Variants in NALF1 observed in about 807,000 individuals in gnomAD.
NALF1 encodes family with sequence similarity 155 member A.
Under a neutral mutation model 48.4 loss-of-function variants are expected in NALF1, and 3 were observed. The observed-to-expected ratio is 0.06, with a 90% confidence interval of 0.03 to 0.16. NALF1 has a LOEUF of 0.16. Among genes scored for constraint, NALF1 ranks in the 10% least tolerant of loss-of-function variants. NALF1 has a pLI of 1.00. For missense variants in NALF1, 526 were observed against 571.5 expected (o/e 0.92, Z 0.81); for synonymous variants, 262 against 245.7 (o/e 1.07, Z -0.62).
At chr13:107,447,048 G>A (rs930850418) in intron 1 of NALF1, among the ~76,000 whole-genome samples, 3 of 152,116 alleles carry the variant, frequency 2.0e-5, no homozygotes, top group African/African-American at 7.2e-5. Context: ...GTACCGTATT[G>A]GGATTTGCAT....
intron 1 of NALF1, among the ~76,000 whole-genome samples, chr13:107,854,832 C>T (rs1269685136): frequency 1.3e-5 from 2 of 150,686 alleles, no homozygotes; most frequent in Admixed American, 6.6e-5. Context: ...CAAGATGGCG[C>T]CACTGCACTT....
chr13:107,619,863 C>T (rs759052948), intron 1 of NALF1, among the ~76,000 whole-genome samples: 1 of 152,138 alleles, frequency 6.6e-6, no homozygotes, highest in Non-Finnish European at 1.5e-5. Context: ...ACAACACAAA[C>T]TGAATCTTTT....
chr13:107,177,220 C>CA (rs56831451), intron 2 of NALF1, among the ~76,000 whole-genome samples: 5,569 of 151,952 alleles, frequency 0.037, 361 homozygotes, highest in African/African-American at 0.13. Context: ...AAAGAGGACA[C>CA]AAAAAAATGG....
chr13:107,243,278 C>A lies in NALF1; in HGVS notation c.916-32523G>T, dbSNP rs182625047. 6.6e-5 allele frequency among the ~76,000 whole-genome samples: 10 copies of A among 152,268 alleles called. No homozygotes were observed. The East Asian group carries it at 1.9e-3, about 29-fold the overall frequency. On this transcript the variant is annotated intron_variant, in intron 1 of 2. Transcript: ENST00000375915. The stretch of plus-strand genomic sequence containing the variant: ...ACATATTTTATGTGTTGAAATGCCA[C>A]CTCCCTTGTCCTCTACCCCTTCCTT...
chr13:107,495,903 G>A (rs1390550700), intron 1 of NALF1, among the ~76,000 whole-genome samples: 1 of 152,104 alleles, frequency 6.6e-6, no homozygotes, highest in Non-Finnish European at 1.5e-5. Context: ...CTCCAAAAGT[G>A]TCTGATGACC....
chr13:107,511,952 G>A (rs1044993585), intron 1 of NALF1, among the ~76,000 whole-genome samples: 2 of 152,210 alleles, frequency 1.3e-5, no homozygotes, highest in African/African-American at 4.8e-5. Flanking sequence ...AGTCATCTGA[G>A]TAGCAATGTT....
Position 107,700,426 on chromosome 13 carries a change from G to C in NALF1, c.915+165256C>G, listed in dbSNP as rs372899595. Among the ~76,000 whole-genome samples, 95 of 146,516 alleles carry C rather than the reference G, an allele frequency of 6.5e-4. 3 individuals are homozygous for C. In the South Asian group the frequency reaches 0.022, roughly 34 times the overall value. Reference sequence around the variant, plus strand: ...TAGTTTATTAAGTAAATGATGCTGAGAAAACAGGATTTTCACAGGCAAAAA... The same window carrying C: ...TAGTTTATTAAGTAAATGATGCTGACAAAACAGGATTTTCACAGGCAAAAA... On this transcript the variant is annotated intron_variant, in intron 1 of 2. Transcript: ENST00000375915.
At chr13:107,483,470 T>G (rs1885283954) in intron 1 of NALF1, among the ~76,000 whole-genome samples, 1 of 152,208 alleles carries the variant, frequency 6.6e-6, no homozygotes, top group South Asian at 2.1e-4. Context: ...ATAATACTTA[T>G]GATTTTAATA....
chr13:107,813,220 T>A (rs905947942), intron 1 of NALF1, among the ~76,000 whole-genome samples: 2 of 152,118 alleles, frequency 1.3e-5, no homozygotes, highest in African/African-American at 4.8e-5. Flanking sequence ...ATGTGTCATT[T>A]CCCCATAGCA....
intron 1 of NALF1, among the ~76,000 whole-genome samples, chr13:107,360,280 T>C (rs991934044): frequency 2.6e-5 from 4 of 152,154 alleles, no homozygotes; most frequent in African/African-American, 4.8e-5. Flanking sequence ...TTTGTTTGAA[T>C]TGCAGCACAA....
intron 1 of NALF1, among the ~76,000 whole-genome samples, chr13:107,667,360 A>G (rs1880885642): frequency 6.6e-6 from 1 of 152,052 alleles, no homozygotes; most frequent in Non-Finnish European, 1.5e-5. Context: ...AGATCCTATC[A>G]ACACCACCCC....
chr13:107,386,526 C>T (rs1191597131), intron 1 of NALF1, among the ~76,000 whole-genome samples: 1 of 152,162 alleles, frequency 6.6e-6, no homozygotes, highest in Non-Finnish European at 1.5e-5. Flanking sequence ...TCTTCGAAAT[C>T]CCTAAGCCCA....
At chr13:107,297,675 T>C (rs1014083253) in intron 1 of NALF1, among the ~76,000 whole-genome samples, 2 of 152,338 alleles carry the variant, frequency 1.3e-5, no homozygotes, top group African/African-American at 4.8e-5. Context: ...GCCCGATAGA[T>C]ATAATTCAAA....
intron 1 of NALF1, among the ~76,000 whole-genome samples, chr13:107,388,624 TAG>T (rs1323286616): frequency 6.6e-6 from 1 of 152,150 alleles, no homozygotes; most frequent in Non-Finnish European, 1.5e-5. Flanking sequence ...TTTCCCTAGA[TAG>T]AGACACTGCA....
chr13:107,387,707 C>T (rs1402818375), intron 1 of NALF1, among the ~76,000 whole-genome samples: 1 of 152,184 alleles, frequency 6.6e-6, no homozygotes, highest in Admixed American at 6.5e-5. Flanking sequence ...AGACTGCATG[C>T]AAGAGAAAAG....
intron 1 of NALF1, among the ~76,000 whole-genome samples, chr13:107,426,300 C>G (rs956526419): frequency 3.3e-5 from 5 of 151,948 alleles, no homozygotes; most frequent in Admixed American, 1.3e-4. Flanking sequence ...GTTTCTTTCC[C>G]TGTGTGTTCC....
chr13:107,308,155 T>C (rs1007468900), intron 1 of NALF1, among the ~76,000 whole-genome samples: 1 of 151,516 alleles, frequency 6.6e-6, no homozygotes. Flanking sequence ...TCACTGGAAA[T>C]CTCATTAAAT....
chr13:107,477,983 GTGTA>G (rs138899240), intron 1 of NALF1, among the ~76,000 whole-genome samples: 2,115 of 152,222 alleles, frequency 0.014, 51 homozygotes, highest in East Asian at 0.1. Flanking sequence ...GTCACAGAAA[GTGTA>G]TGATTTCTCC....
At chr13:107,245,335 T>G (rs1274364211) in intron 1 of NALF1, among the ~76,000 whole-genome samples, 1 of 152,224 alleles carries the variant, frequency 6.6e-6, no homozygotes, top group East Asian at 1.9e-4. Flanking sequence ...TAGTATAAAG[T>G]GAAGTCCAGA....
Sources: allele counts gnomAD v4.1 joint callset (sites outside exome capture counted in the v4.1 genomes callset), GRCh38; gene constraint gnomAD v4.1.1; transcripts MANE v1.5; gene names NCBI Gene and HGNC (gene_info 2026-07-23, HGNC 2026-07-21).